Variants in TASOR2 observed in about 807,000 individuals in gnomAD.
TASOR2 encodes transcription activation suppressor family member 2.
TASOR2 carries 84 observed loss-of-function variants against 199.5 expected under a neutral mutation model. That is an observed-to-expected ratio of 0.42 (90% confidence interval 0.35 to 0.50). TASOR2 has a LOEUF of 0.50. Ranked by LOEUF, TASOR2 falls within the 20% of genes least tolerant of loss-of-function variation. The pLI, the probability that TASOR2 is intolerant of heterozygous loss-of-function variation, is 0.02. For synonymous variants in TASOR2, 1,103 were observed against 1,046.6 expected (o/e 1.05, Z -1.04); for missense variants, 2,796 against 2,835.9 (o/e 0.99, Z 0.32).
At position 5,699,210 on chromosome 10, in the gene TASOR2, G is replaced by T. The variant is rs766850853; in HGVS notation, c.-287-13613G>T. On this transcript the variant is annotated intron_variant, in intron 1 of 20. Transcript: ENST00000328090. The surrounding 1 kb of genome is among the most constrained non-coding windows in gnomAD (Gnocchi z 4.1). Reference sequence around the variant, plus strand: ...AACTTCAAAAACAGGCTAAGTGAAAGAAGCCAATCATGAAGGACCGCGTGC... The same window carrying T: ...AACTTCAAAAACAGGCTAAGTGAAATAAGCCAATCATGAAGGACCGCGTGC... Among the ~76,000 whole-genome samples the T allele has an allele frequency of 1.1e-4, 16 of 152,230 alleles. No homozygotes were observed. Among genetic ancestry groups the T allele is most frequent in the Middle Eastern group, 3.4e-3 (1 of 292 alleles).
intron 9 of TASOR2, 35 bp from the exon 11 acceptor site, chr10:5,727,026 C>T (rs200618052): frequency 1.9e-6 from 3 of 1,613,588 alleles, no homozygotes; most frequent in African/African-American, 1.3e-5. Flanking sequence ...GATCAACAAC[C>T]TAACTTTTCT....
In TASOR2 at chr10:5,699,104, C is replaced by T. The variant is rs761159441; in HGVS notation, c.-287-13719C>T. 6.6e-6 allele frequency among the ~76,000 whole-genome samples: 1 copy of T among 152,084 alleles called. No homozygotes were observed. Among genetic ancestry groups the T allele is most frequent in the Non-Finnish European group, 1.5e-5 (1 of 67,984 alleles). On this transcript the variant is annotated intron_variant, in intron 1 of 20. Transcript: ENST00000328090. This position sits in a 1 kb window ranked among gnomAD's most constrained non-coding sequence, Gnocchi z 4.1. Reference sequence around the variant, plus strand: ...AAATGTGCATCAGTTGATGGATAAACAAAATGTAGTATATCCACAAAGTGG... The same window carrying T: ...AAATGTGCATCAGTTGATGGATAAATAAAATGTAGTATATCCACAAAGTGG...
At chr10:5,688,845 A>G (rs1011893149) in intron 1 of TASOR2, among the ~76,000 whole-genome samples, 44 of 152,114 alleles carry the variant, frequency 2.9e-4, no homozygotes, top group African/African-American at 1.0e-3. Flanking sequence ...CTTTACAAAA[A>G]AAAAAAAATT....
In TASOR2 at chr10:5,740,421, A is replaced by T. The variant is rs1286254904; in HGVS notation, c.2251A>T (p.Thr751Ser). The T allele has an allele frequency of 6.2e-7, 1 of 1,614,188 alleles. No homozygotes were observed. The highest frequency in any genetic ancestry group is 8.5e-7 in the Non-Finnish European group (1 of 1,180,040). Reference sequence around the variant, plus strand: ...CGTTAAGATCACTTTCAAATGTGAAACAGAATATGCATTCAGTTTAGACAG... The same window carrying T: ...CGTTAAGATCACTTTCAAATGTGAATCAGAATATGCATTCAGTTTAGACAG... Residue 751 changes from threonine (T) to serine (S), a missense_variant, in exon 13 of 21, where the codon ACA (threonine) becomes TCA (serine). Physicochemically the swap from Thr to Ser is moderately conservative, Grantham distance 58. Around this residue, in one of 3 missense-constraint regions of TASOR2, gnomAD observed 847 missense variants for 887.4 expected, o/e 0.95. Transcript: ENST00000328090. The surrounding 1 kb of genome is among the most constrained non-coding windows in gnomAD (Gnocchi z 5.3).
chr10:5,732,126 CTT>C (rs970073137), intron 11 of TASOR2, among the ~76,000 whole-genome samples: 30 of 152,358 alleles, frequency 2.0e-4, no homozygotes, highest in Non-Finnish European at 4.1e-4. Context: ...AACCATATGA[CTT>C]TGGCCTAGCC....
In TASOR2 at chr10:5,749,317, G is replaced by A. The variant is rs754539439; in HGVS notation, c.5896G>A (p.Val1966Met). ...CAGCTCCTGGACAAGCACTTGGCAG[G>A]TGGCAGACGACCTCACCCAGAACAC... The change falls in exon 15 of 21, where the codon GTG (valine) becomes ATG (methionine). Residue 1966 changes from valine (V) to methionine (M), a missense_variant. By Grantham distance (21) the Val-to-Met change is conservative. This residue lies in a region of TASOR2 where 1,941 missense variants were observed against 1,924.9 expected (regional missense o/e 1.01). Transcript: ENST00000328090. The A allele has an allele frequency of 5.0e-6, 8 of 1,614,214 alleles. No homozygotes were observed. In the South Asian group the frequency reaches 7.7e-5, roughly 16 times the overall value.
Position 5,740,379 on chromosome 10 carries a change from C to T in TASOR2, c.2209C>T (p.Leu737Phe), listed in dbSNP as rs752941738. Residue 737 changes from leucine (L) to phenylalanine (F), a missense_variant, in exon 13 of 21, where the codon CTT (leucine) becomes TTT (phenylalanine). Leu to Phe is a conservative substitution (Grantham distance 22). Transcript: ENST00000328090. This position sits in a 1 kb window ranked among gnomAD's most constrained non-coding sequence, Gnocchi z 5.3. Reference sequence around the variant, plus strand: ...AAAATCTTCTTGCTCTCGTATAGTGCTTAGCTGTGATGACTCCGTTAAGAT... The same window carrying T: ...AAAATCTTCTTGCTCTCGTATAGTGTTTAGCTGTGATGACTCCGTTAAGAT... The T allele has an allele frequency of 9.3e-6, 15 of 1,614,182 alleles. No homozygotes were observed. Among genetic ancestry groups the T allele is most frequent in the Non-Finnish European group, 1.3e-5 (15 of 1,180,038 alleles).
At chr10:5,762,701 A>G in intron 20 of TASOR2, 55 bp downstream of exon 21, 1 of 833,996 alleles carries the variant, frequency 1.2e-6, no homozygotes, top group South Asian at 1.5e-5. Flanking sequence ...TTGATGGCAA[A>G]TATTGACATT....
chr10:5,703,323 A>G (rs1838132672), intron 1 of TASOR2, among the ~76,000 whole-genome samples: 1 of 152,112 alleles, frequency 6.6e-6, no homozygotes. Flanking sequence ...CTTTTTAGTC[A>G]CAAGTGGCTG....
At chr10:5,718,659 T>A (rs1832962295) in intron 3 of TASOR2, among the ~76,000 whole-genome samples, 1 of 151,414 alleles carries the variant, frequency 6.6e-6, no homozygotes, top group South Asian at 2.1e-4. Context: ...CTTGGGAGGC[T>A]GAGGCAGGAG....
Position 5,720,115 on chromosome 10 carries a change from G to A in TASOR2, c.-99-429G>A. The stretch of plus-strand genomic sequence containing the variant: ...AACTATTTTTGGCCTTAAGATAATT[G>A]TTTTTCTAAGAAGTATAGTTCTTAA... On this transcript the variant is annotated intron_variant, in intron 3 of 20. Coordinates refer to ENST00000328090, the Ensembl canonical transcript of TASOR2. This position sits in a 1 kb window ranked among gnomAD's most constrained non-coding sequence, Gnocchi z 5.3. 1 of 323,264 alleles carries A rather than the reference G, an allele frequency of 3.1e-6. No homozygotes were observed. Among genetic ancestry groups the A allele is most frequent in the Non-Finnish European group, 4.4e-6 (1 of 224,760 alleles). 20.0% of individuals were successfully genotyped at this position (323,264 alleles called of 1,614,324 possible).
intron 1 of TASOR2, chr10:5,712,567 G>A: frequency 8.1e-7 from 1 of 1,230,978 alleles, no homozygotes; most frequent in Non-Finnish European, 1.0e-6. Flanking sequence ...CACTATGATG[G>A]TTTTGTTTTA....
chr10:5,713,587 T>C (rs984923879), intron 2 of TASOR2, among the ~76,000 whole-genome samples: 16 of 152,322 alleles, frequency 1.1e-4, no homozygotes, highest in African/African-American at 3.1e-4. Context: ...ATAAGGACTA[T>C]ATAGTAATAC....
chr10:5,706,093 T>C lies in TASOR2; in HGVS notation c.-287-6730T>C, dbSNP rs1321545623. On this transcript the variant is annotated intron_variant, in intron 1 of 20. Coordinates refer to ENST00000328090, the Ensembl canonical transcript of TASOR2. The surrounding 1 kb of genome is among the most constrained non-coding windows in gnomAD (Gnocchi z 4.8). The stretch of plus-strand genomic sequence containing the variant: ...AGGTTCATGTTTTTTTCCTCCGTTT[T>C]AGTTGTTCTGTAGCAGCATTTATTG... Among the ~76,000 whole-genome samples, 2 of 152,190 alleles carry C rather than the reference T, an allele frequency of 1.3e-5. No individual in the cohort carries two copies.
chr10:5,755,951 C>G (rs1838873998), intron 15 of TASOR2, among the ~76,000 whole-genome samples: 1 of 151,850 alleles, frequency 6.6e-6, no homozygotes, highest in South Asian at 2.1e-4. Flanking sequence ...ATGTTCGTTT[C>G]ACTTTACTGC....
chr10:5,762,639 A>G (rs1390673114), exon 20 of TASOR2: 3 of 1,368,754 alleles, frequency 2.2e-6, no homozygotes, highest in Admixed American at 2.2e-5. Flanking sequence ...ATTTAGGAGT[A>G]GCTATTGGTA....
rs149719070 is a variant in TASOR2 at position 5,693,090 on chromosome 10, G to T, written c.-288+7915G>T. On this transcript the variant is annotated intron_variant, in intron 1 of 20. Transcript: ENST00000328090. ...TAGTAACGTTTTACCTTCTGGTGAG[G>T]GTGTGGGGAGAGAAGCTTTGGCAGG... Among the ~76,000 whole-genome samples the T allele has an allele frequency of 2.8e-3, 425 of 152,334 alleles. 1 individual carries two copies. The highest frequency in any genetic ancestry group is 3.7e-3 in the Non-Finnish European group (253 of 68,026).
intron 18 of TASOR2, 40 bp downstream of exon 19, chr10:5,759,032 G>T: frequency 6.8e-7 from 1 of 1,464,462 alleles, no homozygotes; most frequent in Non-Finnish European, 9.5e-7. Flanking sequence ...CTGCCCTGCT[G>T]GGGTAGCAGA....
intron 16 of TASOR2, among the ~76,000 whole-genome samples, chr10:5,757,206 C>T (rs886615569): frequency 1.3e-5 from 2 of 152,210 alleles, no homozygotes; most frequent in African/African-American, 2.4e-5. Context: ...CGAATGACGG[C>T]GAAGTGAGGT....
Sources: gnomAD v4.1 joint callset for allele counts (sites outside exome capture counted in the v4.1 genomes callset) on GRCh38, gnomAD v4.1.1 for gene constraint, gnomAD v4.1.1 regional missense constraint, Gnocchi (gnomAD v3.1) non-coding constraint, MANE v1.5 for transcripts, NCBI Gene and HGNC (gene_info 2026-07-23, HGNC 2026-07-21) for gene names.